The following ZMYND11 variants were observed in gnomAD, a reference collection of about 807,000 sequenced individuals.
The protein encoded by ZMYND11 is zinc finger MYND-type containing 11.
ZMYND11 carries 9 observed loss-of-function variants against 84.9 expected under a neutral mutation model. The observed-to-expected ratio is 0.11, with a 90% CI of 0.06 to 0.18. The LOEUF (loss-of-function observed/expected upper bound fraction) is 0.18, where lower values mean the gene tolerates loss of function less well. Among genes scored for constraint, ZMYND11 ranks in the 10% least tolerant of loss-of-function variants. The pLI, the probability that ZMYND11 is intolerant of heterozygous loss-of-function variation, is 1.00. For missense variants in ZMYND11, 409 were observed against 761.0 expected (o/e 0.54, Z 5.44); for synonymous variants, 250 against 244.1 (o/e 1.02, Z -0.23).
At chr10:247,612 C>A in intron 12 of ZMYND11, 146 bp downstream of exon 12, 1 of 848,468 alleles carries the variant, frequency 1.2e-6, no homozygotes, top group East Asian at 2.7e-5. Flanking sequence ...TCATATCCAT[C>A]AAGTTGAAAC....
chr10:139,971 G>C (rs1297946817), intron 1 of ZMYND11, among the ~76,000 whole-genome samples: 1 of 152,136 alleles, frequency 6.6e-6, no homozygotes, highest in Non-Finnish European at 1.5e-5. Flanking sequence ...CTCCCAAAGT[G>C]CAGGGATTAC....
chr10:247,300 T>C lies in ZMYND11; in HGVS notation c.1159-98T>C. The C allele has an allele frequency of 3.0e-6, 4 of 1,313,430 alleles. No homozygotes were observed. The South Asian group carries it at 3.8e-5, about 12-fold the overall frequency. The allele number at this position is 1,313,430 out of a possible 1,614,324, so 81.4% of individuals were successfully genotyped here. On this transcript the variant is annotated intron_variant, in intron 11 of 14. Transcript: ENST00000381604. ...GATGGAAGGATGCAAAAGGTAGAAA[T>C]GTATTCACTTCTCACCTGTGGGTCC...
chr10:136,525 A>G (rs564214728), intron 1 of ZMYND11, among the ~76,000 whole-genome samples: 3 of 151,978 alleles, frequency 2.0e-5, no homozygotes, highest in Non-Finnish European at 2.9e-5. Flanking sequence ...GTGTACATGT[A>G]TCTTCCTCGC....
chr10:211,497 C>A (rs547127200), intron 3 of ZMYND11, among the ~76,000 whole-genome samples: 1 of 152,274 alleles, frequency 6.6e-6, no homozygotes, highest in Non-Finnish European at 1.5e-5. Context: ...AGCAAACATA[C>A]TAACCTGTGA....
Position 226,971 on chromosome 10 carries a change from T to G in ZMYND11, c.438+5615T>G, listed in dbSNP as rs188759366. ...GAAAAGACTCGTCCCCTACAAATGT[T>G]TCAGGTGGCATTTTTCTCTGTTTAA... On this transcript the variant is annotated intron_variant, in intron 4 of 14. Transcript: ENST00000381604. Among the ~76,000 whole-genome samples, 384 of 152,280 alleles carry G rather than the reference T, an allele frequency of 2.5e-3. 2 individuals carry two copies. Among genetic ancestry groups the G allele is most frequent in the Non-Finnish European group, 3.7e-3 (249 of 68,008 alleles).
chr10:202,042 AAT>A (rs1400717320), intron 2 of ZMYND11, among the ~76,000 whole-genome samples: 1 of 152,188 alleles, frequency 6.6e-6, no homozygotes, highest in African/African-American at 2.4e-5. Flanking sequence ...AATGCTAACA[AAT>A]ATGTTTTCAC....
chr10:242,191 A>T, intron 10 of ZMYND11, 52 bp downstream of exon 10: 1 of 1,587,230 alleles, frequency 6.3e-7, no homozygotes, highest in South Asian at 1.2e-5. Flanking sequence ...TGAAGTCCTT[A>T]AGAAAGTTTG....
intron 2 of ZMYND11, among the ~76,000 whole-genome samples, chr10:184,977 G>A (rs939324153): frequency 7.9e-5 from 12 of 151,594 alleles, no homozygotes; most frequent in South Asian, 4.2e-4. Context: ...ACTTTTATTC[G>A]TAGCCTTTCT....
chr10:147,646 A>T (rs1839218665), intron 1 of ZMYND11, among the ~76,000 whole-genome samples: 1 of 150,280 alleles, frequency 6.7e-6, no homozygotes. Flanking sequence ...TAATTAAAAT[A>T]ACCTGAAAAG....
At chr10:138,366 C>T (rs1836658817) in intron 1 of ZMYND11, among the ~76,000 whole-genome samples, 1 of 152,116 alleles carries the variant, frequency 6.6e-6, no homozygotes, top group Non-Finnish European at 1.5e-5. Context: ...ATCCACCTGC[C>T]TTGGCCTCCC....
intron 1 of ZMYND11, among the ~76,000 whole-genome samples, chr10:165,068 TGTCA>T (rs1240986651): frequency 6.6e-6 from 1 of 152,152 alleles, no homozygotes; most frequent in African/African-American, 2.4e-5. Context: ...CCTTTACTTT[TGTCA>T]GTCAGTCTTC....
At chr10:167,994 C>T (rs1370704858) in intron 1 of ZMYND11, among the ~76,000 whole-genome samples, 2 of 152,054 alleles carry the variant, frequency 1.3e-5, no homozygotes, top group African/African-American at 2.4e-5. Flanking sequence ...TACCCCCTGG[C>T]AACCAACAAC....
intron 1 of ZMYND11, among the ~76,000 whole-genome samples, chr10:170,578 T>C (rs1056267448): frequency 2.6e-5 from 4 of 152,078 alleles, no homozygotes; most frequent in Non-Finnish European, 5.9e-5. Flanking sequence ...TACTATAAGG[T>C]ACTTTCACTG....
At chr10:134,191 A>T (rs1835424093), upstream of ZMYND11, among the ~76,000 whole-genome samples, 1 of 152,198 alleles carries the variant, frequency 6.6e-6, no homozygotes, top group African/African-American at 2.4e-5. Context: ...GATTAACAAC[A>T]CTAATAATAA....
chr10:201,767 T>C (rs1226069507), intron 2 of ZMYND11, among the ~76,000 whole-genome samples: 1 of 151,948 alleles, frequency 6.6e-6, no homozygotes, highest in African/African-American at 2.4e-5. Context: ...TGGAAAGCTG[T>C]GGGAATGCAG....
intron 2 of ZMYND11, among the ~76,000 whole-genome samples, chr10:182,127 C>A (rs1044859071): frequency 2.0e-5 from 3 of 152,160 alleles, no homozygotes; most frequent in Non-Finnish European, 4.4e-5. Flanking sequence ...AGGGACATTT[C>A]TCTAAGCAGC....
intron 4 of ZMYND11, among the ~76,000 whole-genome samples, chr10:231,060 C>G (rs1001119946): frequency 1.3e-5 from 2 of 152,118 alleles, no homozygotes; most frequent in South Asian, 2.1e-4. Context: ...ATAAAAAATT[C>G]AAATTTTAGT....
At chr10:212,255 C>T (rs1249932851) in intron 3 of ZMYND11, among the ~76,000 whole-genome samples, 1 of 151,916 alleles carries the variant, frequency 6.6e-6, no homozygotes, top group Non-Finnish European at 1.5e-5. Context: ...GTCCTATGTT[C>T]TAATTTTTAT....
chr10:184,903 T>C (rs1937761142), intron 2 of ZMYND11, among the ~76,000 whole-genome samples: 1 of 152,066 alleles, frequency 6.6e-6, no homozygotes, highest in Non-Finnish European at 1.5e-5. Flanking sequence ...TTCCCCGTTT[T>C]TTTTTGTGGA....
Sources: allele counts gnomAD v4.1 joint callset (sites outside exome capture counted in the v4.1 genomes callset), GRCh38; gene constraint gnomAD v4.1.1; transcripts MANE v1.5; gene names NCBI Gene and HGNC (gene_info 2026-07-23, HGNC 2026-07-21).